PHLDB2: variants seen among roughly 807,000 people sequenced by gnomAD.
PHLDB2 encodes the protein pleckstrin homology like domain family B member 2.
In PHLDB2, 71 loss-of-function variants were observed where a neutral mutation model predicts 123.6. The ratio of observed to expected loss-of-function variants is 0.57; its 90% CI spans 0.47 to 0.70. The LOEUF (loss-of-function observed/expected upper bound fraction) is 0.70. PHLDB2 is among the 30% of genes least tolerant of loss of function. The pLI is 0.00. For synonymous variants in PHLDB2, 547 were observed against 541.6 expected, an observed-to-expected ratio of 1.01 and a Z score of -0.14; for missense variants, 1,446 against 1,519.5, an observed-to-expected ratio of 0.95 and a Z score of 0.80.
intron 2 of PHLDB2, chr3:111,846,340 G>C (rs2063983284): frequency 5.9e-6 from 1 of 170,726 alleles, no homozygotes; most frequent in African/African-American, 2.4e-5. Flanking sequence ...GAGGAGGGAG[G>C]AGGCTCCAAT....
chr3:111,843,335 T>C (rs2063782974), intron 1 of PHLDB2, among the ~76,000 whole-genome samples: 1 of 152,244 alleles, frequency 6.6e-6, no homozygotes. Context: ...CTTTCCCAAA[T>C]GGCTAAAGAT....
At chr3:111,940,803 C>G (rs764228975) in intron 8 of PHLDB2, among the ~76,000 whole-genome samples, 158 bp downstream of exon 8, 10 of 152,092 alleles carry the variant, frequency 6.6e-5, no homozygotes, top group Non-Finnish European at 1.5e-4. Flanking sequence ...CATTCATAAG[C>G]TGATACTCTG....
At chr3:111,735,324 G>T (rs1379102473) in intron 1 of PHLDB2, among the ~76,000 whole-genome samples, 1 of 152,108 alleles carries the variant, frequency 6.6e-6, no homozygotes, top group Non-Finnish European at 1.5e-5. Flanking sequence ...TGGCTTTTTG[G>T]TGTCATTTGA....
chr3:111,953,067 C>A (rs571814245), intron 11 of PHLDB2, among the ~76,000 whole-genome samples: 56 of 152,290 alleles, frequency 3.7e-4, no homozygotes, highest in African/African-American at 1.3e-3. Flanking sequence ...CAGACATTTT[C>A]ATGTAGCTGA....
chr3:111,741,062 T>C (rs1388570564), intron 1 of PHLDB2, among the ~76,000 whole-genome samples: 1 of 152,202 alleles, frequency 6.6e-6, no homozygotes, highest in Non-Finnish European at 1.5e-5. Context: ...AGTTCTCCAA[T>C]CAGTGAGCAC....
intron 1 of PHLDB2, among the ~76,000 whole-genome samples, chr3:111,881,826 T>C (rs1239866298): frequency 6.6e-6 from 1 of 151,958 alleles, no homozygotes; most frequent in Non-Finnish European, 1.5e-5. Context: ...TTTCAAATTA[T>C]TGCAAATCTC....
upstream of PHLDB2, chr3:111,859,134 C>A: frequency 1.0e-6 from 1 of 976,950 alleles, no homozygotes; most frequent in South Asian, 4.7e-5. Context: ...GGCGAACTGT[C>A]GGAAGGAGGT....
At chr3:111,789,526 A>G (rs1175715105) in intron 1 of PHLDB2, among the ~76,000 whole-genome samples, 1 of 152,254 alleles carries the variant, frequency 6.6e-6, no homozygotes, top group Non-Finnish European at 1.5e-5. Context: ...CATGTACTAT[A>G]GTGAATGAGA....
intron 1 of PHLDB2, among the ~76,000 whole-genome samples, chr3:111,807,624 G>C (rs1283980761): frequency 6.6e-6 from 1 of 152,070 alleles, no homozygotes; most frequent in Non-Finnish European, 1.5e-5. Flanking sequence ...CTGTAGTCCT[G>C]TAGTCCCACT....
intron 1 of PHLDB2, among the ~76,000 whole-genome samples, chr3:111,870,461 G>A (rs950813952): frequency 1.3e-5 from 2 of 152,122 alleles, no homozygotes; most frequent in African/African-American, 4.8e-5. Flanking sequence ...AAAATAAGCT[G>A]CTTTTTGACT....
At chr3:111,896,555 T>G (rs983193714) in intron 2 of PHLDB2, among the ~76,000 whole-genome samples, 18 of 152,140 alleles carry the variant, frequency 1.2e-4, no homozygotes, top group African/African-American at 4.1e-4. Flanking sequence ...CCACGTATGT[T>G]GGCCAGGCTG....
chr3:111,855,085 A>G (rs543098368), upstream of PHLDB2, among the ~76,000 whole-genome samples: 3 of 152,264 alleles, frequency 2.0e-5, no homozygotes, highest in East Asian at 5.8e-4. Context: ...GTAATCTTCC[A>G]TGGAATTAGG....
chr3:111,954,087 G>C, intron 12 of PHLDB2, 58 bp downstream of exon 12: 2 of 1,495,754 alleles, frequency 1.3e-6, no homozygotes, highest in South Asian at 1.2e-5. Context: ...AATTCTTCAG[G>C]GGGAGGAAGT....
chr3:111,939,426 G>A, intron 6 of PHLDB2, 49 bp from the exon 7 acceptor site: 1 of 1,549,298 alleles, frequency 6.5e-7, no homozygotes, highest in Non-Finnish European at 8.7e-7. Flanking sequence ...ACATTAAGAA[G>A]GTGGTAGTTA....
Position 111,945,309 on chromosome 3 carries a change from C to T in PHLDB2, c.2439C>T (p.Ser813=). ...NLCNLEKKYS[S]LSGGKGFPVN... is the part of the protein sequence containing the mutation. ...GTAATTTGGAAAAGAAATACTCCAG[C>T]CTCTCTGGGGGGAAAGGGTTTCCCG... The change falls in exon 9 of 18, where the codon AGC becomes AGT. Residue 813 remains serine, a synonymous_variant. Transcript: ENST00000431670. 1.2e-6 allele frequency: 2 copies of T among 1,611,032 alleles called. No homozygotes were observed. The highest frequency in any genetic ancestry group is 1.1e-5 in the South Asian group (1 of 90,816).
chr3:111,836,329 C>G (rs1276667756), intron 1 of PHLDB2, among the ~76,000 whole-genome samples: 4 of 152,098 alleles, frequency 2.6e-5, no homozygotes, highest in African/African-American at 9.7e-5. Flanking sequence ...GGTAAGTGCT[C>G]ACAGTTGTCA....
chr3:111,828,201 A>G (rs2062759167), intron 1 of PHLDB2, among the ~76,000 whole-genome samples: 1 of 152,216 alleles, frequency 6.6e-6, no homozygotes, highest in South Asian at 2.1e-4. Context: ...TCTGGGGCAG[A>G]GTGAACCAAC....
At chr3:111,925,428 T>C (rs1288035835) in intron 5 of PHLDB2, among the ~76,000 whole-genome samples, 1 of 152,190 alleles carries the variant, frequency 6.6e-6, no homozygotes, top group African/African-American at 2.4e-5. Flanking sequence ...TTGAGATACA[T>C]GCCACCTGCC....
At chr3:111,965,200 G>A (rs1341212045) in intron 13 of PHLDB2, among the ~76,000 whole-genome samples, 8 of 152,194 alleles carry the variant, frequency 5.3e-5, no homozygotes, top group African/African-American at 1.9e-4. Context: ...ACTGGCTAAT[G>A]GAAATAATGA....
Sources: gnomAD v4.1 joint callset for allele counts (sites outside exome capture counted in the v4.1 genomes callset) on GRCh38, gnomAD v4.1.1 for gene constraint, MANE v1.5 for transcripts, NCBI Gene and HGNC (gene_info 2026-07-23, HGNC 2026-07-21) for gene names.